Variants in AFAP1 observed in about 807,000 individuals in gnomAD.
AFAP1 encodes the protein actin filament-associated protein 1.
In AFAP1, 75 loss-of-function variants were observed where a neutral mutation model predicts 93.9. The ratio of observed to expected loss-of-function variants is 0.80; its 90% CI spans 0.66 to 0.97. The LOEUF is 0.97. Among genes scored for constraint, AFAP1 ranks in the 50% least tolerant of loss-of-function variants. The pLI, the probability that AFAP1 is intolerant of heterozygous loss-of-function variation, is 0.00. For missense variants in AFAP1, 1,201 were observed against 1,050.8 expected (o/e 1.14, Z -1.98); for synonymous variants, 517 against 430.7 (o/e 1.20, Z -2.48).
At chr4:7,867,140 G>C (rs1216085892) in intron 3 of AFAP1, among the ~76,000 whole-genome samples, 22 of 137,916 alleles carry the variant, frequency 1.6e-4, no homozygotes. Context: ...GCGGAGGGGA[G>C]GGGAGGGGAG....
chr4:7,820,473 G>A (rs549485404), intron 6 of AFAP1, among the ~76,000 whole-genome samples: 3 of 152,272 alleles, frequency 2.0e-5, no homozygotes, highest in South Asian at 2.1e-4. Context: ...GCCCGTTGGC[G>A]TCAAGGAGTA....
chr4:7,919,804 ACCC>A (rs1362256968), intron 1 of AFAP1, among the ~76,000 whole-genome samples: 2 of 139,048 alleles, frequency 1.4e-5, no homozygotes, highest in African/African-American at 5.5e-5. Context: ...CCCTCGCCCC[ACCC>A]CCAACAGGCC....
intron 1 of AFAP1, among the ~76,000 whole-genome samples, chr4:7,875,478 G>T (rs1240264409): frequency 6.6e-6 from 1 of 152,108 alleles, no homozygotes; most frequent in Non-Finnish European, 1.5e-5. Flanking sequence ...AATGGACGAG[G>T]CATGTTGGCT....
intron 9 of AFAP1, among the ~76,000 whole-genome samples, chr4:7,801,680 T>C (rs559948496): frequency 1.3e-5 from 2 of 152,164 alleles, no homozygotes; most frequent in East Asian, 3.9e-4. Flanking sequence ...CAAGTTCAGC[T>C]ACTCCTTCAA....
chr4:7,870,451 G>A (rs1716921852), intron 2 of AFAP1, among the ~76,000 whole-genome samples: 1 of 152,166 alleles, frequency 6.6e-6, no homozygotes, highest in East Asian at 1.9e-4. Flanking sequence ...CTTGAGCCTA[G>A]GAGTTTGAGA....
rs767409143 is a variant in AFAP1 at position 7,904,283 on chromosome 4, C to A, written c.-2-32203G>T. 3.3e-5 allele frequency among the ~76,000 whole-genome samples: 5 copies of A among 151,948 alleles called. 1 individual carries two copies. Among genetic ancestry groups the A allele is most frequent in the African/African-American group, 4.8e-5 (2 of 41,380 alleles). ...TTCCCATAGCGTTTAAAGAAACAAG[C>A]GGAAACGGCTCTCCACACATGACAG... On this transcript the variant is annotated intron_variant, in intron 1 of 17. Transcript: ENST00000420658.
chr4:7,765,166 G>A (rs1046578187), intron 17 of AFAP1, among the ~76,000 whole-genome samples: 1 of 152,128 alleles, frequency 6.6e-6, no homozygotes, highest in Non-Finnish European at 1.5e-5. Flanking sequence ...CCAAAGTGAT[G>A]AAGCTGGGCC....
chr4:7,824,733 T>C (rs1012023797), intron 6 of AFAP1, among the ~76,000 whole-genome samples: 14 of 151,800 alleles, frequency 9.2e-5, no homozygotes, highest in East Asian at 1.9e-4. Flanking sequence ...ATGACAGCAA[T>C]GGAGGCCGGG....
At chr4:7,763,891 G>A (rs961525732) in intron 17 of AFAP1, 100 bp from the exon 18 acceptor site, 39 of 1,166,696 alleles carry the variant, frequency 3.3e-5, no homozygotes, top group Non-Finnish European at 4.5e-5. Flanking sequence ...GTGGGTGCTC[G>A]GCTACTGCAG....
At chr4:7,917,919 A>G (rs1364618446) in intron 1 of AFAP1, among the ~76,000 whole-genome samples, 2 of 152,252 alleles carry the variant, frequency 1.3e-5, no homozygotes, top group African/African-American at 4.8e-5. Context: ...CAGGGCAGTG[A>G]TGCCCACTCC....
intron 5 of AFAP1, among the ~76,000 whole-genome samples, chr4:7,839,212 T>G (rs1182027458): frequency 6.6e-6 from 1 of 152,042 alleles, no homozygotes; most frequent in Non-Finnish European, 1.5e-5. Flanking sequence ...GGCGTGTTCC[T>G]ATAGTCCCAG....
At chr4:7,850,635 C>T (rs1053160388) in intron 4 of AFAP1, among the ~76,000 whole-genome samples, 8 of 152,218 alleles carry the variant, frequency 5.3e-5, no homozygotes, top group African/African-American at 1.9e-4. Context: ...ACAGCAGGCC[C>T]ATCTCCGAGG....
intron 1 of AFAP1, among the ~76,000 whole-genome samples, chr4:7,892,720 A>G (rs1048204130): frequency 3.9e-5 from 6 of 152,056 alleles, no homozygotes; most frequent in Non-Finnish European, 7.4e-5. Context: ...AGCCTTTCCC[A>G]CCGAACAAAC....
intron 8 of AFAP1, among the ~76,000 whole-genome samples, chr4:7,813,665 A>T (rs1720235679): frequency 6.6e-6 from 1 of 152,222 alleles, no homozygotes; most frequent in Non-Finnish European, 1.5e-5. Flanking sequence ...GATTACACAT[A>T]ATGTGTGCCC....
chr4:7,883,675 A>G (rs984279307), intron 1 of AFAP1, among the ~76,000 whole-genome samples: 1 of 152,240 alleles, frequency 6.6e-6, no homozygotes, highest in South Asian at 2.1e-4. Flanking sequence ...ATCAAACAAT[A>G]AATAGCTAGA....
intron 6 of AFAP1, among the ~76,000 whole-genome samples, chr4:7,830,316 G>T (rs977140803): frequency 6.6e-6 from 1 of 152,178 alleles, no homozygotes; most frequent in African/African-American, 2.4e-5. Flanking sequence ...GATGCTGAAG[G>T]TGTGCACATA....
intron 1 of AFAP1, among the ~76,000 whole-genome samples, chr4:7,899,857 A>AAATT (rs1553853502): frequency 6.7e-6 from 1 of 149,164 alleles, no homozygotes; most frequent in Non-Finnish European, 1.5e-5. Flanking sequence ...GTGCTCTTTA[A>AAATT]AAATAAATAA....
At chr4:7,927,994 T>G (rs1720861247) in intron 1 of AFAP1, among the ~76,000 whole-genome samples, 1 of 152,198 alleles carries the variant, frequency 6.6e-6, no homozygotes, top group Admixed American at 6.5e-5. Flanking sequence ...TCGTATGATC[T>G]ATACTATACA....
chr4:7,838,474 AGAAAG>A lies in AFAP1; in HGVS notation c.726+45_726+49del, dbSNP rs763516771. 4 of 1,544,446 alleles carry A rather than the reference AGAAAG, an allele frequency of 2.6e-6. No individual in the cohort carries two copies. In the East Asian group the frequency reaches 9.1e-5, roughly 35 times the overall value. On this transcript the variant is annotated intron_variant, in intron 6 of 17. Transcript: ENST00000420658. ...TAAAATTAAAATTAAAATGGATCTC[AGAAAG>A]GCATGTGGAACTGAAATGGCTGTGA...
Sources: allele counts gnomAD v4.1 joint callset (sites outside exome capture counted in the v4.1 genomes callset), GRCh38; gene constraint gnomAD v4.1.1; transcripts MANE v1.5; gene names NCBI Gene and HGNC (gene_info 2026-07-23, HGNC 2026-07-21).